The following LINGO2 variants were observed in gnomAD, a reference collection of about 807,000 sequenced individuals.
LINGO2 encodes the protein leucine-rich repeat and immunoglobulin-like domain-containing nogo receptor-interacting protein 2.
LINGO2 carries 14 observed loss-of-function variants against 30.6 expected under a neutral mutation model. That is an observed-to-expected ratio of 0.46 (90% CI 0.30 to 0.72). LINGO2 has a LOEUF of 0.72. Ranked by LOEUF, LINGO2 falls within the 30% of genes least tolerant of loss-of-function variation. The pLI, the probability that LINGO2 is intolerant of heterozygous loss-of-function variation, is 0.07. For missense variants in LINGO2, 729 were observed against 751.7 expected, an observed-to-expected ratio of 0.97 and a Z score of 0.35; for synonymous variants, 317 against 288.5, an observed-to-expected ratio of 1.10 and a Z score of -1.00.
chr9:28,551,286 A>T (rs1352674336), intron 1 of LINGO2, among the ~76,000 whole-genome samples: 1 of 151,946 alleles, frequency 6.6e-6, no homozygotes, highest in Non-Finnish European at 1.5e-5. Context: ...AAATAATCTA[A>T]TAATTCACAG....
chr9:28,526,844 C>T (rs1821057316), intron 1 of LINGO2, among the ~76,000 whole-genome samples: 1 of 152,106 alleles, frequency 6.6e-6, no homozygotes, highest in South Asian at 2.1e-4. Context: ...TACTGTATTT[C>T]ATAAATGAAT....
the LINGO2 span, among the ~76,000 whole-genome samples, chr9:28,847,812 TATATATAC>T: frequency 3.4e-3 from 130 of 37,804 alleles, 3 homozygotes; most frequent in African/African-American, 0.01. Flanking sequence ...AGTATATATG[TATATATAC>T]ATATATATGT....
chr9:28,565,710 C>A (rs1347473215), intron 1 of LINGO2, among the ~76,000 whole-genome samples: 1 of 151,468 alleles, frequency 6.6e-6, no homozygotes, highest in East Asian at 2.0e-4. Flanking sequence ...CACCACCACG[C>A]CCACCTAATT....
the LINGO2 span, among the ~76,000 whole-genome samples, chr9:28,683,076 A>G: frequency 6.6e-6 from 1 of 152,136 alleles, no homozygotes; most frequent in African/African-American, 2.4e-5. Flanking sequence ...CCTCACAGCT[A>G]AACATACTAT....
intron 1 of LINGO2, among the ~76,000 whole-genome samples, chr9:28,634,691 G>C (rs1827173865): frequency 6.6e-6 from 1 of 151,638 alleles, no homozygotes; most frequent in Admixed American, 6.6e-5. Context: ...CCATCATTTT[G>C]GCCAGGCTGG....
intron 3 of LINGO2, among the ~76,000 whole-genome samples, chr9:28,362,450 G>T (rs1820487359): frequency 6.6e-6 from 1 of 151,712 alleles, no homozygotes; most frequent in Middle Eastern, 3.4e-3. Flanking sequence ...GCCTAGAAGA[G>T]AAGTTATTTG....
Position 28,129,256 on chromosome 9 carries a change from C to G in LINGO2, c.-86-116851G>C, listed in dbSNP as rs567651863. 6.6e-6 allele frequency among the ~76,000 whole-genome samples: 1 copy of G among 152,242 alleles called. No homozygotes were observed. Among genetic ancestry groups the G allele is most frequent in the South Asian group, 2.1e-4 (1 of 4,822 alleles). On this transcript the variant is annotated intron_variant, in intron 4 of 5. Transcript: ENST00000379992. The surrounding 1 kb of genome is among the most constrained non-coding windows in gnomAD (Gnocchi z 4.0). ...CCTGGTAATCGTGGGAGTCAATTCT[C>G]CTTAATAAACTCCTTTTGGTATATA... is the stretch of plus-strand genomic sequence containing the variant.
chr9:29,045,200 T>G, the LINGO2 span, among the ~76,000 whole-genome samples: 1 of 152,116 alleles, frequency 6.6e-6, no homozygotes, highest in Admixed American at 6.6e-5. Flanking sequence ...GATTTCATCA[T>G]GGCTACTCAG....
At chr9:28,006,828 C>T (rs1822289655) in intron 5 of LINGO2, among the ~76,000 whole-genome samples, 2 of 152,124 alleles carry the variant, frequency 1.3e-5, no homozygotes, top group South Asian at 4.1e-4. Flanking sequence ...CTCAGAAATG[C>T]TTTCCCCTAA....
chr9:28,217,395 G>C (rs1019461635), intron 4 of LINGO2, among the ~76,000 whole-genome samples: 1 of 151,584 alleles, frequency 6.6e-6, no homozygotes, highest in Non-Finnish European at 1.5e-5. Context: ...TGAAAATAAA[G>C]ACAACTGAAA....
intron 4 of LINGO2, among the ~76,000 whole-genome samples, chr9:28,283,334 T>G (rs1823393610): frequency 1.3e-5 from 2 of 152,172 alleles, no homozygotes; most frequent in African/African-American, 4.8e-5. Flanking sequence ...GACATTATCA[T>G]CAGCAAACAC....
At chr9:28,983,426 C>T in the LINGO2 span, among the ~76,000 whole-genome samples, 4 of 150,162 alleles carry the variant, frequency 2.7e-5, no homozygotes, top group Admixed American at 6.6e-5. Context: ...TGAACTAAAA[C>T]TAATACAAAG....
At chr9:28,467,119 G>T (rs970770573) in intron 2 of LINGO2, among the ~76,000 whole-genome samples, 12 of 151,650 alleles carry the variant, frequency 7.9e-5, no homozygotes, top group African/African-American at 2.9e-4. Flanking sequence ...TCCGCCTCCT[G>T]GGTTCACGCC....
rs75191534 is a variant in LINGO2 at position 28,321,172 on chromosome 9, A to G, written c.-245-25806T>C. Among the ~76,000 whole-genome samples, 59 of 152,294 alleles carry G rather than the reference A, an allele frequency of 3.9e-4. No homozygotes were observed. The East Asian group carries it at 7.9e-3, about 20-fold the overall frequency. On this transcript the variant is annotated intron_variant, in intron 3 of 5. Coordinates refer to ENST00000379992, the Ensembl canonical transcript of LINGO2. ...ATGCTTATCAAAGAGTTGAATACAAACTATTCCATATGTTTCTCCATAACT... is the reference window on the plus strand; with the variant it reads ...ATGCTTATCAAAGAGTTGAATACAAGCTATTCCATATGTTTCTCCATAACT...
chr9:28,317,032 G>GA (rs1488377422), intron 3 of LINGO2, among the ~76,000 whole-genome samples: 8 of 152,100 alleles, frequency 5.3e-5, no homozygotes, highest in African/African-American at 1.9e-4. Context: ...ATGTTGAAGA[G>GA]GTTAACTCTC....
At chr9:28,365,898 GTC>G (rs1038261880) in intron 3 of LINGO2, among the ~76,000 whole-genome samples, 4 of 151,752 alleles carry the variant, frequency 2.6e-5, no homozygotes, top group Non-Finnish European at 5.9e-5. Context: ...GTCAGGGTCT[GTC>G]TGTGTGTGAC....
chr9:28,266,521 T>G (rs866358149), intron 4 of LINGO2, among the ~76,000 whole-genome samples: 1 of 151,990 alleles, frequency 6.6e-6, no homozygotes, highest in African/African-American at 2.4e-5. Flanking sequence ...CCCTACAATT[T>G]CAAATCAGTT....
the LINGO2 span, among the ~76,000 whole-genome samples, chr9:28,911,926 C>A: frequency 6.6e-6 from 1 of 151,992 alleles, no homozygotes; most frequent in Non-Finnish European, 1.5e-5. Context: ...TACTCAGCAG[C>A]CAAACATCAG....
At chr9:28,685,506 G>A in the LINGO2 span, among the ~76,000 whole-genome samples, 1 of 152,158 alleles carries the variant, frequency 6.6e-6, no homozygotes, top group Non-Finnish European at 1.5e-5. Context: ...AGAAAAAGAT[G>A]TGTTTCTGAT....
Sources: gnomAD v4.1 joint callset for allele counts (sites outside exome capture counted in the v4.1 genomes callset) on GRCh38, gnomAD v4.1.1 for gene constraint, Gnocchi (gnomAD v3.1) non-coding constraint, MANE v1.5 for transcripts, NCBI Gene and HGNC (gene_info 2026-07-23, HGNC 2026-07-21) for gene names.